GRIK2: variants seen among roughly 807,000 people sequenced by gnomAD.
GRIK2 encodes glutamate ionotropic receptor kainate type subunit 2.
GRIK2 carries 32 observed loss-of-function variants against 100.3 expected under a neutral mutation model. The ratio of observed to expected loss-of-function variants is 0.32; its 90% CI spans 0.24 to 0.43. GRIK2 has a LOEUF of 0.43. GRIK2 is among the 20% of genes least tolerant of loss of function. GRIK2 has a pLI of 1.00. For missense variants in GRIK2, 843 were observed against 1,114.9 expected, an observed-to-expected ratio of 0.76 and a Z score of 3.47; for synonymous variants, 417 against 389.4, an observed-to-expected ratio of 1.07 and a Z score of -0.83.
chr6:101,901,260 CTT>C (rs1432428830), intron 12 of GRIK2, among the ~76,000 whole-genome samples: 2 of 151,784 alleles, frequency 1.3e-5, no homozygotes, highest in African/African-American at 2.4e-5. Context: ...TAAAGCCACT[CTT>C]AATTTGATTG....
At chr6:101,958,849 A>G (rs1792108814) in intron 14 of GRIK2, among the ~76,000 whole-genome samples, 1 of 151,900 alleles carries the variant, frequency 6.6e-6, no homozygotes, top group African/African-American at 2.4e-5. Flanking sequence ...CATGTGTTGA[A>G]CCATTCTTGA....
At chr6:101,667,957 C>T (rs951329774) in intron 4 of GRIK2, among the ~76,000 whole-genome samples, 3 of 152,166 alleles carry the variant, frequency 2.0e-5, no homozygotes, top group African/African-American at 7.2e-5. Context: ...CAAGTTAAAA[C>T]TCATTTGCCA....
intron 2 of GRIK2, among the ~76,000 whole-genome samples, chr6:101,511,440 A>T (rs1774309752): frequency 6.6e-6 from 1 of 152,146 alleles, no homozygotes; most frequent in African/African-American, 2.4e-5. Flanking sequence ...TAGCACAGTA[A>T]AATCTGTTAT....
chr6:101,669,136 A>G (rs939693537), intron 4 of GRIK2, among the ~76,000 whole-genome samples: 1 of 152,180 alleles, frequency 6.6e-6, no homozygotes, highest in African/African-American at 2.4e-5. Flanking sequence ...CCATCTGTGC[A>G]GATTGTTTGT....
intron 14 of GRIK2, among the ~76,000 whole-genome samples, chr6:101,981,764 G>T (rs557544459): frequency 6.6e-6 from 1 of 151,928 alleles, no homozygotes; most frequent in South Asian, 2.1e-4. Flanking sequence ...AAAAGAAAGT[G>T]CTTTCTCTTC....
At chr6:101,946,844 T>C (rs1791310298) in intron 14 of GRIK2, among the ~76,000 whole-genome samples, 1 of 152,130 alleles carries the variant, frequency 6.6e-6, no homozygotes, top group South Asian at 2.1e-4. Context: ...AACAAACTTT[T>C]TGATATCTTC....
chr6:101,484,674 G>A (rs559356730), intron 2 of GRIK2, among the ~76,000 whole-genome samples: 39 of 152,008 alleles, frequency 2.6e-4, no homozygotes, highest in Non-Finnish European at 5.0e-4. Context: ...GGCAGTGAAA[G>A]CTTCATGATT....
chr6:101,567,322 A>G (rs1310386884), intron 2 of GRIK2, among the ~76,000 whole-genome samples: 1 of 151,916 alleles, frequency 6.6e-6, no homozygotes, highest in Non-Finnish European at 1.5e-5. Context: ...ATCATTTTAT[A>G]TCTCAAAAAG....
intron 7 of GRIK2, among the ~76,000 whole-genome samples, chr6:101,720,813 T>A (rs1418527359): frequency 6.6e-6 from 1 of 152,096 alleles, no homozygotes; most frequent in African/African-American, 2.4e-5. Flanking sequence ...ACTTCACCTT[T>A]ATTTTATTGC....
At chr6:101,759,867 ATTTATT>A (rs956255630) in intron 7 of GRIK2, among the ~76,000 whole-genome samples, 7 of 147,118 alleles carry the variant, frequency 4.8e-5, no homozygotes, top group Admixed American at 6.7e-5. Flanking sequence ...TTATTTTTTT[ATTTATT>A]TTTATTTTTA....
chr6:101,680,050 C>T (rs1204411715), intron 5 of GRIK2, among the ~76,000 whole-genome samples: 1 of 152,066 alleles, frequency 6.6e-6, no homozygotes, highest in African/African-American at 2.4e-5. Context: ...CCAGCGTTTT[C>T]TACGTCATAT....
At chr6:101,798,240 T>A (rs559400077) in intron 7 of GRIK2, among the ~76,000 whole-genome samples, 2 of 152,166 alleles carry the variant, frequency 1.3e-5, no homozygotes, top group South Asian at 4.1e-4. Flanking sequence ...TCAAAATGTA[T>A]CTTCCCAATT....
At chr6:101,501,331 A>G (rs374944782) in intron 2 of GRIK2, among the ~76,000 whole-genome samples, 1 of 152,194 alleles carries the variant, frequency 6.6e-6, no homozygotes, top group South Asian at 2.1e-4. Context: ...TCATTTTTCT[A>G]TACTATGTTA....
chr6:101,613,898 A>T (rs886768813), intron 2 of GRIK2, among the ~76,000 whole-genome samples: 17 of 151,934 alleles, frequency 1.1e-4, no homozygotes, highest in Admixed American at 7.2e-4. Context: ...GAAGATAATC[A>T]TGTTTAAGTT....
At chr6:101,843,657 C>T (rs1354597555) in intron 10 of GRIK2, among the ~76,000 whole-genome samples, 3 of 152,098 alleles carry the variant, frequency 2.0e-5, no homozygotes, top group Non-Finnish European at 4.4e-5. Flanking sequence ...ATGAATCTGG[C>T]CCAACTGCAC....
At chr6:101,518,700 G>A (rs1041981938) in intron 2 of GRIK2, among the ~76,000 whole-genome samples, 6 of 152,076 alleles carry the variant, frequency 3.9e-5, no homozygotes, top group African/African-American at 1.4e-4. Context: ...AAGATTTACA[G>A]CATACTCTAG....
At chr6:102,017,907 T>C (rs1769205161) in intron 14 of GRIK2, among the ~76,000 whole-genome samples, 1 of 152,188 alleles carries the variant, frequency 6.6e-6, no homozygotes, top group Non-Finnish European at 1.5e-5. Flanking sequence ...TCTGCTTACA[T>C]TGTCAATCTC....
chr6:101,839,493 T>C (rs1282641699), intron 10 of GRIK2, among the ~76,000 whole-genome samples: 1 of 149,672 alleles, frequency 6.7e-6, no homozygotes, highest in Non-Finnish European at 1.5e-5. Context: ...AGAAAGCCTT[T>C]GTAAGTTTCC....
intron 2 of GRIK2, among the ~76,000 whole-genome samples, chr6:101,514,345 G>A (rs1277508483): frequency 3.3e-5 from 5 of 152,034 alleles, no homozygotes; most frequent in Admixed American, 2.6e-4. Context: ...GGACACACAT[G>A]GAGTGGTTTT....
Sources: gnomAD v4.1 joint callset for allele counts (sites outside exome capture counted in the v4.1 genomes callset) on GRCh38, gnomAD v4.1.1 for gene constraint, MANE v1.5 for transcripts, NCBI Gene and HGNC (gene_info 2026-07-23, HGNC 2026-07-21) for gene names.